MACROD2: variants seen among roughly 807,000 people sequenced by gnomAD.
MACROD2 encodes the protein mono-ADP ribosylhydrolase 2, also known as ADP-ribose glycohydrolase MACROD2.
MACROD2 carries 36 observed loss-of-function variants against 70.4 expected under a neutral mutation model. The observed-to-expected ratio is 0.51, with a 90% CI of 0.39 to 0.68. The LOEUF (loss-of-function observed/expected upper bound fraction) is 0.68, where lower values mean the gene tolerates loss of function less well. Among genes scored for constraint, MACROD2 ranks in the 30% least tolerant of loss-of-function variants. The pLI, the probability that MACROD2 is intolerant of heterozygous loss-of-function variation, is 0.00. For missense variants in MACROD2, 496 were observed against 538.4 expected (o/e 0.92, Z 0.78); for synonymous variants, 172 against 178.8 (o/e 0.96, Z 0.30).
Position 15,194,894 on chromosome 20 carries a change from A to G in MACROD2, c.419-35046A>G, listed in dbSNP as rs372290643. Among the ~76,000 whole-genome samples the G allele has an allele frequency of 1.5e-4, 23 of 151,862 alleles. No individual in the cohort carries two copies. The South Asian group carries it at 4.6e-3, about 30-fold the overall frequency. On this transcript the variant is annotated intron_variant, in intron 5 of 17. Transcript: ENST00000684519. The stretch of plus-strand genomic sequence containing the variant: ...TCCTTTTTTCTTTCATAATCTTGAA[A>G]TTTTTAAGAGTATAGGCAAATTATT...
At position 15,830,243 on chromosome 20, in the gene MACROD2, G is replaced by T. The variant is rs75422077; in HGVS notation, c.646-32502G>T. ...TTCCCAAATCAAGGGTAACCCAGTTGGAAATAGAGCAAGAAGAGGCATCCA... is the reference window on the plus strand; with the variant it reads ...TTCCCAAATCAAGGGTAACCCAGTTTGAAATAGAGCAAGAAGAGGCATCCA... On this transcript the variant is annotated intron_variant, in intron 8 of 17. Coordinates refer to ENST00000684519, the MANE Select transcript of MACROD2 (RefSeq NM_001351661.2). Among the ~76,000 whole-genome samples, 1,138 of 152,270 alleles carry T rather than the reference G, an allele frequency of 7.5e-3. 13 individuals carry two copies. The highest frequency in any genetic ancestry group is 0.026 in the African/African-American group (1,062 of 41,548).
chr20:15,896,150 T>C (rs1409322018), intron 10 of MACROD2, among the ~76,000 whole-genome samples: 1 of 152,212 alleles, frequency 6.6e-6, no homozygotes, highest in Non-Finnish European at 1.5e-5. Context: ...GAGTTATCAA[T>C]GTTTTTTTAG....
chr20:14,264,641 G>A (rs2082128515), intron 3 of MACROD2, among the ~76,000 whole-genome samples: 1 of 152,176 alleles, frequency 6.6e-6, no homozygotes, highest in African/African-American at 2.4e-5. Flanking sequence ...GGTTGGGAAA[G>A]TAATGGTATA....
At chr20:15,751,832 C>T (rs6043510) in intron 8 of MACROD2, among the ~76,000 whole-genome samples, 11,869 of 150,734 alleles carry the variant, frequency 0.079, 1,569 homozygotes, top group African/African-American at 0.27. Context: ...GCAACCCATC[C>T]TATCTAGGTT....
At chr20:14,357,686 G>A (rs1309108458) in intron 3 of MACROD2, among the ~76,000 whole-genome samples, 1 of 152,216 alleles carries the variant, frequency 6.6e-6, no homozygotes, top group East Asian at 1.9e-4. Flanking sequence ...CTTCTCCTTA[G>A]AACTCTGGGT....
chr20:14,189,426 G>C (rs975698475), intron 3 of MACROD2, among the ~76,000 whole-genome samples: 24 of 152,166 alleles, frequency 1.6e-4, no homozygotes, highest in Admixed American at 5.9e-4. Flanking sequence ...TTTAAAGAAA[G>C]GCTTTTTGTG....
intron 5 of MACROD2, among the ~76,000 whole-genome samples, chr20:14,688,745 C>T (rs1335254997): frequency 3.9e-5 from 6 of 151,956 alleles, no homozygotes; most frequent in Admixed American, 1.3e-4. Flanking sequence ...ATCATCATTC[C>T]GCCAAGTAGT....
chr20:14,932,818 G>A (rs978310483), intron 5 of MACROD2, among the ~76,000 whole-genome samples: 6 of 151,932 alleles, frequency 3.9e-5, no homozygotes, highest in African/African-American at 9.7e-5. Flanking sequence ...TGCCCGCCTC[G>A]GCCTCCCAAA....
chr20:15,827,498 A>G (rs947350278), intron 8 of MACROD2, among the ~76,000 whole-genome samples: 2 of 152,206 alleles, frequency 1.3e-5, no homozygotes, highest in East Asian at 3.8e-4. Flanking sequence ...TGAAAATTGC[A>G]AGAAGTTTCT....
At chr20:14,307,107 A>G (rs1601457548) in intron 3 of MACROD2, among the ~76,000 whole-genome samples, 1 of 152,282 alleles carries the variant, frequency 6.6e-6, no homozygotes, top group South Asian at 2.1e-4. Context: ...AAGTACAAGT[A>G]TAAAAGTTAT....
intron 5 of MACROD2, among the ~76,000 whole-genome samples, chr20:14,706,187 A>G (rs906814534): frequency 6.6e-6 from 1 of 151,902 alleles, no homozygotes. Context: ...GGTGGCACAC[A>G]CCTGTAGTCC....
At chr20:15,784,622 G>GT in intron 8 of MACROD2, among the ~76,000 whole-genome samples, 1 of 152,030 alleles carries the variant, frequency 6.6e-6, no homozygotes, top group Admixed American at 6.5e-5. Flanking sequence ...TTGCTATTCA[G>GT]TTTTTTTGGC....
chr20:15,913,134 G>A (rs555018779), intron 10 of MACROD2, among the ~76,000 whole-genome samples: 134 of 151,804 alleles, frequency 8.8e-4, no homozygotes, highest in African/African-American at 3.1e-3. Flanking sequence ...AATATATTAG[G>A]CATTCAAAAA....
chr20:14,854,833 G>A (rs143537207), intron 5 of MACROD2, among the ~76,000 whole-genome samples: 2,431 of 152,122 alleles, frequency 0.016, 66 homozygotes, highest in African/African-American at 0.055. Context: ...TGGCTAACAC[G>A]GTGAAACCCC....
At chr20:15,340,304 A>G (rs969771488) in intron 6 of MACROD2, among the ~76,000 whole-genome samples, 1 of 150,910 alleles carries the variant, frequency 6.6e-6, no homozygotes, top group Non-Finnish European at 1.5e-5. Flanking sequence ...CGCCTGGCTA[A>G]TTTTTGTATT....
At chr20:14,419,065 G>GT (rs943600733) in intron 3 of MACROD2, among the ~76,000 whole-genome samples, 2 of 149,834 alleles carry the variant, frequency 1.3e-5, no homozygotes, top group Non-Finnish European at 3.0e-5. Flanking sequence ...TTTGTTTTTT[G>GT]TTTTTTGAGA....
At chr20:15,327,897 G>A (rs1170699069) in intron 6 of MACROD2, among the ~76,000 whole-genome samples, 1 of 151,996 alleles carries the variant, frequency 6.6e-6, no homozygotes, top group African/African-American at 2.4e-5. Flanking sequence ...ATCAGGGACT[G>A]GTCTAGGTAC....
At chr20:14,746,570 T>C (rs1033889820) in intron 5 of MACROD2, among the ~76,000 whole-genome samples, 8 of 152,154 alleles carry the variant, frequency 5.3e-5, no homozygotes, top group African/African-American at 1.9e-4. Context: ...ATAGAAACTA[T>C]ATCACCCACG....
chr20:15,119,447 C>G (rs928104300), intron 5 of MACROD2, among the ~76,000 whole-genome samples: 1 of 152,148 alleles, frequency 6.6e-6, no homozygotes, highest in Non-Finnish European at 1.5e-5. Flanking sequence ...TGATTTTAGA[C>G]ATAGTAGTGT....
Sources: gnomAD v4.1 joint callset for allele counts (sites outside exome capture counted in the v4.1 genomes callset) on GRCh38, gnomAD v4.1.1 for gene constraint, MANE v1.5 for transcripts, NCBI Gene and HGNC (gene_info 2026-07-23, HGNC 2026-07-21) for gene names.